GPHN: variants seen among roughly 807,000 people sequenced by gnomAD.
GPHN encodes the protein gephyrin.
A neutral mutation model predicts 95.5 loss-of-function variants in GPHN; 17 were observed. The observed-to-expected ratio is 0.18, with a 90% CI of 0.12 to 0.27. GPHN has a LOEUF of 0.27. Ranked by LOEUF, GPHN falls within the 10% of genes least tolerant of loss-of-function variation. The probability of loss-of-function intolerance (pLI) is 1.00; values close to 1 mark genes in which losing one functional copy is unlikely to be tolerated. For missense variants in GPHN, 660 were observed against 978.1 expected (o/e 0.67, Z 4.34); for synonymous variants, 320 against 322.5 (o/e 0.99, Z 0.08).
the GPHN span, chr14:67,573,783 C>G: frequency 6.4e-7 from 1 of 1,564,954 alleles, no homozygotes. The surrounding 1 kb of genome is among the most constrained non-coding windows in gnomAD (Gnocchi z 4.8). Context: ...GCTCTCCTCT[C>G]CAATACTTTC....
chr14:67,379,397 G>A, the GPHN span, among the ~76,000 whole-genome samples: 1 of 152,156 alleles, frequency 6.6e-6, no homozygotes, highest in Non-Finnish European at 1.5e-5. Flanking sequence ...GAGGTCAACA[G>A]TTTTTCATGT....
chr14:67,685,050 T>C, the GPHN span: 1 of 1,612,380 alleles, frequency 6.2e-7, no homozygotes, highest in East Asian at 2.2e-5. Flanking sequence ...CAAGACCTTC[T>C]GTTAAGGCAC....
intron 9 of GPHN, among the ~76,000 whole-genome samples, chr14:67,004,580 T>C (rs1382473001): frequency 6.6e-6 from 1 of 151,752 alleles, no homozygotes; most frequent in Non-Finnish European, 1.5e-5. Flanking sequence ...AGGTCTTTAC[T>C]AATCGGGTGA....
intron 8 of GPHN, among the ~76,000 whole-genome samples, chr14:66,930,482 T>C (rs1335336795): frequency 6.6e-6 from 1 of 151,930 alleles, no homozygotes; most frequent in Non-Finnish European, 1.5e-5. Flanking sequence ...CATTTTATTT[T>C]TTCTATCTAT....
intron 9 of GPHN, among the ~76,000 whole-genome samples, chr14:66,972,800 G>C (rs896791137): frequency 1.3e-5 from 2 of 152,048 alleles, no homozygotes; most frequent in Non-Finnish European, 2.9e-5. Flanking sequence ...ATTGAGGACA[G>C]TATTTCAAAC....
chr14:67,327,729 A>G, the GPHN span, among the ~76,000 whole-genome samples: 10 of 151,982 alleles, frequency 6.6e-5, no homozygotes, highest in Non-Finnish European at 1.5e-4. Flanking sequence ...TATGAGTGAG[A>G]ACATGCAGTG....
chr14:67,303,423 G>A, the GPHN span: 1 of 863,802 alleles, frequency 1.2e-6, no homozygotes, highest in Admixed American at 1.9e-5. Flanking sequence ...TCTGTGGAGG[G>A]GTTCTGAAAT....
chr14:67,144,352 T>G (rs2080772429), intron 18 of GPHN, among the ~76,000 whole-genome samples: 1 of 147,072 alleles, frequency 6.8e-6, no homozygotes, highest in Non-Finnish European at 1.5e-5. Context: ...TACTTGTTCC[T>G]ATAAAGACCA....
chr14:66,745,426 T>C (rs1210450886), intron 2 of GPHN, among the ~76,000 whole-genome samples: 4 of 152,116 alleles, frequency 2.6e-5, no homozygotes, highest in Admixed American at 6.5e-5. Context: ...AATGTTAACA[T>C]TGAGACAATA....
chr14:66,916,113 G>GTTT, intron 6 of GPHN, 44 bp downstream of exon 6: 8 of 1,307,028 alleles, frequency 6.1e-6, no homozygotes, highest in Non-Finnish European at 8.9e-6. Context: ...AAGAGCTTTT[G>GTTT]ACCAGCCGTG....
At chr14:66,718,650 A>G (rs1219139362) in intron 2 of GPHN, among the ~76,000 whole-genome samples, 1 of 152,104 alleles carries the variant, frequency 6.6e-6, no homozygotes, top group East Asian at 1.9e-4. Context: ...AGCTAGACAC[A>G]GAGTGCTGAT....
intron 1 of GPHN, among the ~76,000 whole-genome samples, chr14:66,521,230 A>C (rs2058473351): frequency 6.6e-6 from 1 of 151,996 alleles, no homozygotes; most frequent in South Asian, 2.1e-4. Context: ...CCAGTAATGG[A>C]ATTGCTGGGT....
chr14:67,711,218 T>A, the GPHN span, among the ~76,000 whole-genome samples: 1 of 152,208 alleles, frequency 6.6e-6, no homozygotes, highest in Non-Finnish European at 1.5e-5. Context: ...TATCAATGTC[T>A]TATTTATTAA....
chr14:67,593,491 A>C, the GPHN span: 22 of 3,622 alleles, frequency 6.1e-3, no homozygotes, highest in African/African-American at 0.1. Flanking sequence ...ACCCTGTCTC[A>C]AAAAAAAAAA....
At chr14:66,909,507 A>G (rs969671296) in intron 5 of GPHN, among the ~76,000 whole-genome samples, 1 of 152,088 alleles carries the variant, frequency 6.6e-6, no homozygotes, top group Non-Finnish European at 1.5e-5. Flanking sequence ...TCAAGGACAC[A>G]AAGATGGTTA....
At chr14:66,710,784 T>C (rs970213738) in intron 2 of GPHN, among the ~76,000 whole-genome samples, 17 of 152,202 alleles carry the variant, frequency 1.1e-4, no homozygotes, top group Non-Finnish European at 2.4e-4. Context: ...CCTCACTTTC[T>C]ACATCTGTAA....
intron 4 of GPHN, among the ~76,000 whole-genome samples, chr14:66,865,947 G>A (rs2063206442): frequency 6.6e-6 from 1 of 152,150 alleles, no homozygotes; most frequent in Admixed American, 6.6e-5. Context: ...CATCAAAGGA[G>A]GAAATGTATA....
the GPHN span, among the ~76,000 whole-genome samples, chr14:67,673,168 C>A: frequency 7.2e-5 from 11 of 152,130 alleles, no homozygotes; most frequent in Non-Finnish European, 1.5e-4. Context: ...CATGGCAAAA[C>A]CCTGTCTCTA....
intron 1 of GPHN, among the ~76,000 whole-genome samples, chr14:66,560,969 C>G (rs1047287927): frequency 1.3e-5 from 2 of 152,096 alleles, no homozygotes; most frequent in Admixed American, 1.3e-4. Context: ...TGAATTTTGT[C>G]AAAGGCCTTT....
Sources: gnomAD v4.1 joint callset for allele counts (sites outside exome capture counted in the v4.1 genomes callset) on GRCh38, gnomAD v4.1.1 for gene constraint, Gnocchi (gnomAD v3.1) non-coding constraint, MANE v1.5 for transcripts, NCBI Gene and HGNC (gene_info 2026-07-23, HGNC 2026-07-21) for gene names.